ALKBH1: variants seen among roughly 807,000 people sequenced by gnomAD.
ALKBH1 encodes the protein alkB homolog 1, histone H2A dioxygenase.
A neutral mutation model predicts 36.6 loss-of-function variants in ALKBH1; 31 were observed. The ratio of observed to expected loss-of-function variants is 0.85; its 90% CI spans 0.64 to 1.14. ALKBH1 has a LOEUF of 1.14. Ranked by LOEUF, ALKBH1 falls within the 50% of genes most tolerant of loss-of-function variation. ALKBH1 has a pLI of 0.00. For missense variants in ALKBH1, 490 were observed against 497.3 expected (o/e 0.99, Z 0.14); for synonymous variants, 183 against 186.6 (o/e 0.98, Z 0.16).
intron 4 of ALKBH1, among the ~76,000 whole-genome samples, chr14:77,677,370 G>C (rs1176283656): frequency 1.3e-5 from 2 of 152,078 alleles, no homozygotes; most frequent in Non-Finnish European, 2.9e-5. Flanking sequence ...ACATCTTTCT[G>C]CATGAGTGAC....
intron 3 of ALKBH1, among the ~76,000 whole-genome samples, chr14:77,693,029 A>G (rs1052267698): frequency 1.3e-5 from 2 of 151,686 alleles, no homozygotes; most frequent in African/African-American, 4.8e-5. Flanking sequence ...AACATGGAGA[A>G]ACCCCTACCT....
chr14:77,698,811 C>T (rs971037500), intron 2 of ALKBH1, among the ~76,000 whole-genome samples: 1 of 152,190 alleles, frequency 6.6e-6, no homozygotes, highest in Non-Finnish European at 1.5e-5. Flanking sequence ...CACCCAGGCA[C>T]AATCTTGGCT....
chr14:77,675,998 C>CTT (rs374529582), intron 4 of ALKBH1, 149 bp from the exon 5 acceptor site: 33,021 of 559,482 alleles, frequency 0.059, 474 homozygotes, highest in Middle Eastern at 0.075. Flanking sequence ...CTTTTCTTTT[C>CTT]TTTTTTTTTT....
chr14:77,687,572 C>T (rs1188531043), intron 3 of ALKBH1, among the ~76,000 whole-genome samples: 6 of 152,122 alleles, frequency 3.9e-5, no homozygotes, highest in Admixed American at 3.9e-4. Context: ...CTCCCCTCAC[C>T]ATAATCTGAC....
chr14:77,704,387 C>T lies in ALKBH1; in HGVS notation c.274G>A (p.Gly92Arg). 1.9e-6 allele frequency: 3 copies of T among 1,613,848 alleles called. No homozygotes were observed. The highest frequency in any genetic ancestry group is 1.7e-6 in the Non-Finnish European group (2 of 1,179,782). The change falls in exon 2 of 6, where the codon GGA (glycine) becomes AGA (arginine). Residue 92 changes from glycine (G) to arginine (R), a missense_variant. By Grantham distance (125) the Gly-to-Arg change is moderately radical. Coordinates refer to ENST00000216489, the MANE Select transcript of ALKBH1 (RefSeq NM_006020.3). ...LQPVSKWQAY[G>R]LKGYPGFIFI... Reference sequence around the variant, plus strand: ...CACTCACCAGGATAGCCTTTGAGTCCATAGGCTTGCCACTTGCTGACGGGC... The same window carrying T: ...CACTCACCAGGATAGCCTTTGAGTCTATAGGCTTGCCACTTGCTGACGGGC...
At chr14:77,698,100 A>G (rs979665632) in intron 2 of ALKBH1, among the ~76,000 whole-genome samples, 3 of 152,164 alleles carry the variant, frequency 2.0e-5, no homozygotes, top group African/African-American at 7.2e-5. Context: ...TTTTTGTAAG[A>G]CCAGCTATGA....
intron 2 of ALKBH1, 33 bp from the exon 3 acceptor site, chr14:77,694,933 G>T: frequency 6.9e-7 from 1 of 1,445,242 alleles, no homozygotes; most frequent in South Asian, 1.6e-5. Flanking sequence ...AAAAAGAAGA[G>T]GGGGAAATTC....
At chr14:77,683,232 C>T in intron 3 of ALKBH1, 2 of 750,080 alleles carry the variant, frequency 2.7e-6, no homozygotes, top group Non-Finnish European at 4.9e-6. Flanking sequence ...GAATAGGTTC[C>T]AGCAGCTCAG....
At chr14:77,705,544 T>C (rs1253406890) in intron 1 of ALKBH1, among the ~76,000 whole-genome samples, 1 of 152,144 alleles carries the variant, frequency 6.6e-6, no homozygotes, top group Non-Finnish European at 1.5e-5. Context: ...CTCTTCTAGA[T>C]GAAATGTCCA....
rs368899486 is a variant in ALKBH1 at position 77,683,431 on chromosome 14, T to C, written c.456-3461A>G. 5.3e-6 allele frequency: 4 copies of C among 757,026 alleles called. No individual in the cohort carries two copies. The African/African-American group carries it at 6.8e-5, about 13-fold the overall frequency. 46.9% of individuals were successfully genotyped at this position (757,026 alleles called of 1,614,324 possible). A position where few individuals can be genotyped will look rare whatever the true frequency, so the allele number is the denominator to read the frequency against. On this transcript the variant is annotated intron_variant, in intron 3 of 5. Transcript: ENST00000216489. ...CACATTAATTCTCTTGGCAAGAGTC[T>C]TGCCCTTAACTTACTTGTTCACAAC...
chr14:77,680,677 C>CTTTTTTTT (rs1555383644), intron 3 of ALKBH1, among the ~76,000 whole-genome samples: 5,250 of 122,740 alleles, frequency 0.043, 225 homozygotes, highest in Non-Finnish European at 0.053. Context: ...ATTAACTACT[C>CTTTTTTTT]TTTTTTTTTT....
At chr14:77,679,643 C>T (rs1036578659) in intron 4 of ALKBH1, among the ~76,000 whole-genome samples, 2 of 152,146 alleles carry the variant, frequency 1.3e-5, no homozygotes, top group African/African-American at 4.8e-5. Flanking sequence ...GTTGCCCAGG[C>T]TGGCAGCAAA....
chr14:77,676,584 T>A (rs1422950297), intron 4 of ALKBH1, among the ~76,000 whole-genome samples: 1 of 152,122 alleles, frequency 6.6e-6, no homozygotes, highest in Non-Finnish European at 1.5e-5. Flanking sequence ...AAGATATTAG[T>A]TAAAAACTAA....
intron 3 of ALKBH1, among the ~76,000 whole-genome samples, chr14:77,685,035 T>A (rs1232307449): frequency 6.6e-6 from 1 of 152,254 alleles, no homozygotes; most frequent in Non-Finnish European, 1.5e-5. Flanking sequence ...ATACATTTTA[T>A]AAACACAGGT....
intron 2 of ALKBH1, among the ~76,000 whole-genome samples, chr14:77,698,318 G>A (rs936170827): frequency 4.6e-5 from 7 of 152,194 alleles, no homozygotes; most frequent in African/African-American, 7.2e-5. Flanking sequence ...TGGATCAAGA[G>A]GGTAGAGAGA....
intron 2 of ALKBH1, among the ~76,000 whole-genome samples, chr14:77,703,644 C>A (rs1489256173): frequency 2.9e-5 from 4 of 135,696 alleles, no homozygotes; most frequent in African/African-American, 1.1e-4. Context: ...ATTGCCTAGG[C>A]TGGAGTGCAA....
At chr14:77,679,578 G>A (rs1295768981) in intron 4 of ALKBH1, among the ~76,000 whole-genome samples, 1 of 152,132 alleles carries the variant, frequency 6.6e-6, no homozygotes, top group African/African-American at 2.4e-5. Context: ...CTGCAGGCAT[G>A]TGCCACCAGG....
At chr14:77,707,340 G>A (rs2080399900) in intron 1 of ALKBH1, among the ~76,000 whole-genome samples, 1 of 152,288 alleles carries the variant, frequency 6.6e-6, no homozygotes, top group South Asian at 2.1e-4. Context: ...TCAACACGGA[G>A]GGATTCTCAG....
intron 2 of ALKBH1, among the ~76,000 whole-genome samples, chr14:77,695,952 C>G (rs1039803748): frequency 6.6e-6 from 1 of 152,092 alleles, no homozygotes; most frequent in Non-Finnish European, 1.5e-5. Flanking sequence ...ATTAGTTGGG[C>G]GTGGTGGCAC....
Sources: allele counts gnomAD v4.1 joint callset (sites outside exome capture counted in the v4.1 genomes callset), GRCh38; gene constraint gnomAD v4.1.1; transcripts MANE v1.5; gene names NCBI Gene and HGNC (gene_info 2026-07-23, HGNC 2026-07-21).